Variants in AGTR1 observed in about 807,000 individuals in gnomAD.
AGTR1 encodes the protein angiotensin II receptor type 1.
AGTR1 carries 16 observed loss-of-function variants against 19.4 expected under a neutral mutation model. The ratio of observed to expected loss-of-function variants is 0.82; its 90% confidence interval spans 0.56 to 1.25. AGTR1 has a LOEUF of 1.25. Among genes scored for constraint, AGTR1 ranks in the 50% most tolerant of loss-of-function variants. The pLI is 0.00. For missense variants in AGTR1, 373 were observed against 431.9 expected (o/e 0.86, Z 1.21); for synonymous variants, 153 against 154.9 (o/e 0.99, Z 0.09).
intron 2 of AGTR1, among the ~76,000 whole-genome samples, chr3:148,720,269 C>CCA (rs757399846): frequency 6.6e-5 from 10 of 151,256 alleles, no homozygotes; most frequent in Non-Finnish European, 1.0e-4. Context: ...CACACACACA[C>CCA]CACACACACA....
intron 2 of AGTR1, among the ~76,000 whole-genome samples, chr3:148,738,546 C>T (rs1489231397): frequency 6.6e-6 from 1 of 151,968 alleles, no homozygotes; most frequent in Non-Finnish European, 1.5e-5. Context: ...GGCATAAGTT[C>T]AGAAAAAATA....
chr3:148,700,144 G>C, intron 1 of AGTR1, among the ~76,000 whole-genome samples: 1 of 151,918 alleles, frequency 6.6e-6, no homozygotes, highest in East Asian at 1.9e-4. Context: ...TTCTAGTTTG[G>C]GATCAGAGTT....
intron 2 of AGTR1, among the ~76,000 whole-genome samples, chr3:148,709,247 T>C (rs12695877): frequency 0.43 from 65,852 of 151,848 alleles, 16,065 homozygotes; most frequent in African/African-American, 0.68. Flanking sequence ...AAAGACAGTA[T>C]GCTTTATTTT....
At chr3:148,709,640 T>C (rs1707040927) in intron 2 of AGTR1, among the ~76,000 whole-genome samples, 1 of 152,128 alleles carries the variant, frequency 6.6e-6, no homozygotes, top group African/African-American at 2.4e-5. Context: ...GGTTTTCCTG[T>C]AAAATAATCT....
chr3:148,707,574 A>G (rs112054529), intron 1 of AGTR1, among the ~76,000 whole-genome samples: 736 of 151,372 alleles, frequency 4.9e-3, no homozygotes, highest in Non-Finnish European at 7.3e-3. Flanking sequence ...GTAGATTCAC[A>G]AGTAAAAATC....
rs1714850901 is a variant in AGTR1 at position 148,741,173 on chromosome 3, C to G, written c.138C>G (p.Asn46Lys). Reference sequence around the variant, plus strand: ...TCTTTGTGGTGGGAATATTTGGAAACAGCTTGGTGGTGATAGTCATTTACT... The same window carrying G: ...TCTTTGTGGTGGGAATATTTGGAAAGAGCTTGGTGGTGATAGTCATTTACT... ...SIIFVVGIFG[N>K]SLVVIVIYFY... Residue 46 changes from asparagine (N) to lysine (K), a missense_variant, in exon 3 of 3, where the codon AAC (asparagine) becomes AAG (lysine). By Grantham distance (94) the Asn-to-Lys change is moderately conservative (BLOSUM62 0). Coordinates refer to ENST00000349243, the MANE Select transcript of AGTR1 (RefSeq NM_000685.5). 5.6e-6 allele frequency: 9 copies of G among 1,614,120 alleles called. No individual in the cohort carries two copies. The highest frequency in any genetic ancestry group is 7.6e-6 in the Non-Finnish European group (9 of 1,180,012).
In AGTR1 at chr3:148,741,330, T is replaced by G; in HGVS notation, c.295T>G (p.Tyr99Asp). The G allele has an allele frequency of 6.2e-7, 1 of 1,609,294 alleles. No individual in the cohort carries two copies. Among genetic ancestry groups the G allele is most frequent in the Non-Finnish European group, 8.5e-7 (1 of 1,179,944 alleles). Residue 99 changes from tyrosine (Y) to aspartate (D), a missense_variant, in exon 3 of 3, where the codon TAC (tyrosine) becomes GAC (aspartate). Tyr to Asp is a radical substitution (Grantham distance 160). Transcript: ENST00000349243. ...AMEYRWPFGN[Y>D]LCKIASASVS... Reference sequence around the variant, plus strand: ...GGAATACCGCTGGCCCTTTGGCAATTACCTATGTAAGATTGCTTCAGCCAG... The same window carrying G: ...GGAATACCGCTGGCCCTTTGGCAATGACCTATGTAAGATTGCTTCAGCCAG...
At chr3:148,699,926 T>C (rs1712224725) in intron 1 of AGTR1, among the ~76,000 whole-genome samples, 1 of 152,160 alleles carries the variant, frequency 6.6e-6, no homozygotes, top group African/African-American at 2.4e-5. Context: ...CAGAATAAAA[T>C]TGGTTTTCTT....
intron 2 of AGTR1, among the ~76,000 whole-genome samples, chr3:148,724,657 C>T (rs1389884128): frequency 6.6e-6 from 1 of 152,130 alleles, no homozygotes; most frequent in Non-Finnish European, 1.5e-5. Context: ...GGAGATACAG[C>T]TACCCTCCAA....
chr3:148,704,905 C>T (rs1373490953), intron 1 of AGTR1, among the ~76,000 whole-genome samples: 2 of 152,166 alleles, frequency 1.3e-5, no homozygotes, highest in Non-Finnish European at 2.9e-5. Context: ...GAATCTAGAA[C>T]TGTAGATATT....
chr3:148,741,909 T>C lies in AGTR1; in HGVS notation c.874T>C (p.Tyr292His), dbSNP rs1714925982. The change falls in exon 3 of 3, where the codon TAT (tyrosine) becomes CAT (histidine). Residue 292 changes from tyrosine (Y) to histidine (H), a missense_variant. Coordinates refer to ENST00000349243, the MANE Select transcript of AGTR1 (RefSeq NM_000685.5). ...TAMPITICIA[Y>H]FNNCLNPLFY... ...CATGCCTATCACCATTTGTATAGCT[T>C]ATTTTAACAATTGCCTGAATCCTCT... 1 of 1,614,216 alleles carries C rather than the reference T, an allele frequency of 6.2e-7. No individual in the cohort carries two copies. The highest frequency in any genetic ancestry group is 8.5e-7 in the Non-Finnish European group (1 of 1,180,036).
chr3:148,703,466 A>C (rs10935724), intron 1 of AGTR1, among the ~76,000 whole-genome samples: 66,246 of 152,060 alleles, frequency 0.44, 16,277 homozygotes, highest in African/African-American at 0.69. Flanking sequence ...CTTGGCTCTT[A>C]ACTAACGTTT....
At chr3:148,714,399 C>T (rs549842777) in intron 2 of AGTR1, among the ~76,000 whole-genome samples, 4 of 152,146 alleles carry the variant, frequency 2.6e-5, no homozygotes, top group East Asian at 3.9e-4. Context: ...GGGAGAAGAT[C>T]GCTCCAGGCA....
At chr3:148,718,331 A>C (rs998848652) in intron 2 of AGTR1, among the ~76,000 whole-genome samples, 2 of 152,218 alleles carry the variant, frequency 1.3e-5, no homozygotes, top group South Asian at 4.1e-4. Context: ...ATGTGAATAC[A>C]TGAGTGTGGA....
chr3:148,709,843 A>G (rs1416870684), intron 2 of AGTR1, among the ~76,000 whole-genome samples: 1 of 152,204 alleles, frequency 6.6e-6, no homozygotes, highest in Non-Finnish European at 1.5e-5. Context: ...CAAAAAATTT[A>G]TGCTGAAATC....
At chr3:148,703,501 T>G (rs1712474407) in intron 1 of AGTR1, among the ~76,000 whole-genome samples, 1 of 152,248 alleles carries the variant, frequency 6.6e-6, no homozygotes, top group Non-Finnish European at 1.5e-5. Context: ...ATTTATTGAG[T>G]ACATAAATGT....
At chr3:148,701,184 A>T (rs2107922986) in intron 1 of AGTR1, among the ~76,000 whole-genome samples, 1 of 152,332 alleles carries the variant, frequency 6.6e-6, no homozygotes, top group Middle Eastern at 3.4e-3. Context: ...CAATCACAGA[A>T]AAAAAATCTT....
chr3:148,738,177 A>AT (rs911818782), intron 2 of AGTR1, among the ~76,000 whole-genome samples: 1 of 151,898 alleles, frequency 6.6e-6, no homozygotes, highest in Admixed American at 6.6e-5. Flanking sequence ...GGAGAAGAAA[A>AT]TTTCCTCCCT....
rs995647969 is a variant in AGTR1, at chr3:148,705,450, A to G, written c.-131-2494A>G. ...TTAATAATCTAACTCTCCCATTCAA[A>G]TGATGTCACTTCATATAAAACACAT... is the stretch of plus-strand genomic sequence containing the variant. On this transcript the variant is annotated intron_variant, in intron 1 of 2. Transcript: ENST00000349243. Among the ~76,000 whole-genome samples, 10 of 151,024 alleles carry G rather than the reference A, an allele frequency of 6.6e-5. 1 individual carries two copies. Among genetic ancestry groups the G allele is most frequent in the Admixed American group, 3.3e-4 (5 of 15,138 alleles).
Sources: gnomAD v4.1 joint callset for allele counts (sites outside exome capture counted in the v4.1 genomes callset) on GRCh38, gnomAD v4.1.1 for gene constraint, MANE v1.5 for transcripts, NCBI Gene and HGNC (gene_info 2026-07-23, HGNC 2026-07-21) for gene names.